Variants in TP73 observed in about 807,000 individuals in gnomAD.
The protein encoded by TP73 is p53-like transcription factor.
A neutral mutation model predicts 62.5 loss-of-function variants in TP73; 25 were observed. The observed-to-expected ratio is 0.40, with a 90% CI of 0.29 to 0.56. The LOEUF (loss-of-function observed/expected upper bound fraction) is 0.56. Among genes scored for constraint, TP73 ranks in the 20% least tolerant of loss-of-function variants. The pLI is 0.46. For missense variants in TP73, 754 were observed against 913.3 expected (o/e 0.83, Z 2.25); for synonymous variants, 423 against 377.5 (o/e 1.12, Z -1.40).
At chr1:3,691,122 T>C (rs1220311612) in intron 3 of TP73, among the ~76,000 whole-genome samples, 1 of 152,036 alleles carries the variant, frequency 6.6e-6, no homozygotes, top group Middle Eastern at 3.2e-3. Flanking sequence ...GTCCCAGGCA[T>C]GGAGGCAAGC....
At chr1:3,689,869 T>G (rs1351115669) in intron 3 of TP73, among the ~76,000 whole-genome samples, 5 of 152,056 alleles carry the variant, frequency 3.3e-5, no homozygotes, top group African/African-American at 1.2e-4. Context: ...CCTGCCTGCT[T>G]CCAGGGGGAC....
chr1:3,722,287 G>T, intron 5 of TP73, 80 bp downstream of exon 5: 1 of 1,519,284 alleles, frequency 6.6e-7, no homozygotes, highest in Admixed American at 2.0e-5. Context: ...TGCCTAACTG[G>T]GAGAGAGTGG....
chr1:3,659,165 A>G (rs1452386148), intron 1 of TP73: 3 of 91,752 alleles, frequency 3.3e-5, no homozygotes, highest in Admixed American at 1.1e-4. Flanking sequence ...AGGCATTTCT[A>G]TGGAAACAAA....
At chr1:3,669,139 C>T (rs1270377636) in intron 1 of TP73, among the ~76,000 whole-genome samples, 1 of 152,244 alleles carries the variant, frequency 6.6e-6, no homozygotes, top group Non-Finnish European at 1.5e-5. Context: ...CTGGCCCCAC[C>T]GACCCTCCGG....
chr1:3,671,726 A>C (rs1645244989), intron 1 of TP73, among the ~76,000 whole-genome samples: 1 of 152,228 alleles, frequency 6.6e-6, no homozygotes, highest in African/African-American at 2.4e-5. Flanking sequence ...AATGAGCTTG[A>C]AAATATGGAG....
chr1:3,671,467 A>G (rs2102047167), intron 1 of TP73, among the ~76,000 whole-genome samples: 1 of 152,324 alleles, frequency 6.6e-6, no homozygotes, highest in South Asian at 2.1e-4. Context: ...GGGCCTAGGC[A>G]GCTCTTGGGC....
Position 3,731,549 on chromosome 1 carries a change from C to A in TP73, c.1571C>A (p.Thr524Asn). ...AGCATTTACCACCTGCAGAACCTGA[C>A]CATTGAGGTAACGCCCGGGTGGACC... ...LQSIYHLQNL[T>N]IEDLGALKIP... is the part of the protein sequence containing the mutation. The change falls in exon 13 of 14, where the codon ACC (threonine) becomes AAC (asparagine). Residue 524 changes from threonine to asparagine, a missense_variant. Physicochemically the swap from Thr to Asn is moderately conservative, Grantham distance 65 (BLOSUM62 0). Coordinates refer to ENST00000378295, the MANE Select transcript of TP73 (RefSeq NM_005427.4). 1.2e-6 allele frequency: 2 copies of A among 1,613,748 alleles called. No homozygotes were observed. Among genetic ancestry groups the A allele is most frequent in the Non-Finnish European group, 1.7e-6 (2 of 1,179,978 alleles).
chr1:3,716,110 A>G (rs1025135859), intron 4 of TP73, among the ~76,000 whole-genome samples: 1 of 152,146 alleles, frequency 6.6e-6, no homozygotes, highest in Non-Finnish European at 1.5e-5. Flanking sequence ...CCCAGTGAGC[A>G]GTTTCTTGTC....
intron 4 of TP73, among the ~76,000 whole-genome samples, chr1:3,716,640 C>G (rs1176220378): frequency 6.6e-6 from 1 of 152,216 alleles, no homozygotes; most frequent in African/African-American, 2.4e-5. Context: ...AGTGACTGTG[C>G]ACCAGTGAAG....
chr1:3,685,944 A>C (rs1393155665), intron 3 of TP73, among the ~76,000 whole-genome samples: 1 of 152,238 alleles, frequency 6.6e-6, no homozygotes. Flanking sequence ...AACACCACAC[A>C]GGCCCGGCCT....
At chr1:3,713,501 G>T (rs1414736532) in intron 4 of TP73, among the ~76,000 whole-genome samples, 1 of 152,146 alleles carries the variant, frequency 6.6e-6, no homozygotes, top group Non-Finnish European at 1.5e-5. Context: ...GCAAGGTGGG[G>T]GGCTCAGCTG....
At chr1:3,718,024 G>C (rs1640748422) in intron 4 of TP73, among the ~76,000 whole-genome samples, 1 of 152,200 alleles carries the variant, frequency 6.6e-6, no homozygotes, top group Admixed American at 6.5e-5. Context: ...CATCGCCTGA[G>C]GACAGGGGCC....
At chr1:3,708,891 G>A (rs1359346792) in intron 4 of TP73, among the ~76,000 whole-genome samples, 1 of 152,094 alleles carries the variant, frequency 6.6e-6, no homozygotes, top group Non-Finnish European at 1.5e-5. Context: ...CCGCCTCCCC[G>A]GGCACAGCTC....
intron 3 of TP73, among the ~76,000 whole-genome samples, chr1:3,695,042 A>G (rs1481502036): frequency 6.6e-6 from 1 of 151,822 alleles, no homozygotes; most frequent in Non-Finnish European, 1.5e-5. Context: ...CACATGGGGG[A>G]CTGGATAATC....
intron 4 of TP73, among the ~76,000 whole-genome samples, chr1:3,715,134 C>T (rs904094138): frequency 6.6e-6 from 1 of 152,176 alleles, no homozygotes; most frequent in African/African-American, 2.4e-5. Flanking sequence ...GAGTCTCAGT[C>T]TCTATTGTCC....
At chr1:3,687,865 G>T (rs1167607956) in intron 3 of TP73, among the ~76,000 whole-genome samples, 2 of 152,174 alleles carry the variant, frequency 1.3e-5, no homozygotes, top group Non-Finnish European at 2.9e-5. Flanking sequence ...GATCTACCCT[G>T]GGAGCCCCGG....
intron 3 of TP73, among the ~76,000 whole-genome samples, chr1:3,689,446 G>A (rs1645750771): frequency 6.6e-6 from 1 of 152,186 alleles, no homozygotes; most frequent in Admixed American, 6.5e-5. Flanking sequence ...GGCTCTCCAG[G>A]CCCCAGCCCC....
chr1:3,678,424 G>A (rs1448168405), intron 1 of TP73, among the ~76,000 whole-genome samples: 1 of 152,182 alleles, frequency 6.6e-6, no homozygotes, highest in Non-Finnish European at 1.5e-5. Context: ...TGCGGAGCCA[G>A]TCATCAGCTC....
intron 1 of TP73, among the ~76,000 whole-genome samples, chr1:3,679,876 T>TGCCTTTGTCTCTCTCC (rs1297306197): frequency 6.6e-6 from 1 of 151,904 alleles, no homozygotes; most frequent in Non-Finnish European, 1.5e-5. Context: ...TGTCTCTCTC[T>TGCCTTTGTCTCTCTCC]GCCTTTGTCT....
Sources: allele counts gnomAD v4.1 joint callset (sites outside exome capture counted in the v4.1 genomes callset), GRCh38; gene constraint gnomAD v4.1.1; transcripts MANE v1.5; gene names NCBI Gene and HGNC (gene_info 2026-07-23, HGNC 2026-07-21).